USH2A: variants seen among roughly 807,000 people sequenced by gnomAD.
USH2A encodes usherin, also known as Usher syndrome 2A (autosomal recessive, mild).
In USH2A, 443 loss-of-function variants were observed where a neutral mutation model predicts 538.9. The observed-to-expected ratio is 0.82, with a 90% CI of 0.76 to 0.89. The LOEUF (loss-of-function observed/expected upper bound fraction) is 0.89, where lower values mean the gene tolerates loss of function less well. Ranked by LOEUF, USH2A falls within the 40% of genes least tolerant of loss-of-function variation. The pLI is 0.00. For synonymous variants in USH2A, 2,413 were observed against 2,273.5 expected, an observed-to-expected ratio of 1.06 and a Z score of -1.75; for missense variants, 6,633 against 6,324.8, an observed-to-expected ratio of 1.05 and a Z score of -1.65.
At chr1:215,899,539 T>C (rs1376628760) in intron 40 of USH2A, among the ~76,000 whole-genome samples, 22 of 152,230 alleles carry the variant, frequency 1.4e-4, no homozygotes, top group Admixed American at 1.3e-3. Context: ...GAAAATTCTC[T>C]TTATTGGTTG....
At position 215,655,457 on chromosome 1, in the gene USH2A, A is replaced by G. The variant is rs1056449692; in HGVS notation, c.14134-4656T>C. On this transcript the variant is annotated intron_variant, in intron 64 of 71. Coordinates refer to ENST00000307340, the MANE Select transcript of USH2A (RefSeq NM_206933.4). ...TAAGGAGTAATTTCTTGAAACCTTG[A>G]TATTTCTAGAAATTGCTGAGTCTAT... 5.3e-5 allele frequency among the ~76,000 whole-genome samples: 8 copies of G among 152,276 alleles called. No homozygotes were observed. In the East Asian group the frequency reaches 1.5e-3, roughly 29 times the overall value.
At chr1:216,412,170 T>C (rs115654426) in intron 3 of USH2A, among the ~76,000 whole-genome samples, 1,770 of 152,282 alleles carry the variant, frequency 0.012, 16 homozygotes, top group Non-Finnish European at 0.02. Context: ...CAATTTGTAA[T>C]GGGTATCCTA....
At chr1:216,247,346 A>C in intron 12 of USH2A, 120 bp from the exon 13 acceptor site, 1 of 1,270,404 alleles carries the variant, frequency 7.9e-7, no homozygotes, top group South Asian at 1.3e-5. Flanking sequence ...TTTTCTCACA[A>C]GCAATGCCAT....
intron 12 of USH2A, among the ~76,000 whole-genome samples, chr1:216,250,485 CA>C (rs2036137099): frequency 6.6e-6 from 1 of 152,028 alleles, no homozygotes; most frequent in African/African-American, 2.4e-5. Context: ...CCCTGTAGCA[CA>C]GAATATTTTG....
At chr1:216,368,564 A>C (rs563118346) in intron 3 of USH2A, among the ~76,000 whole-genome samples, 36 of 152,340 alleles carry the variant, frequency 2.4e-4, no homozygotes, top group Admixed American at 7.8e-4. Flanking sequence ...TCAACTCGGT[A>C]CCCACAGTGG....
chr1:215,969,696 C>T (rs902136328), intron 36 of USH2A, among the ~76,000 whole-genome samples: 2 of 151,986 alleles, frequency 1.3e-5, no homozygotes, highest in Non-Finnish European at 2.9e-5. Context: ...GTGTTAGCTG[C>T]TTGGAAAGCA....
intron 4 of USH2A, among the ~76,000 whole-genome samples, chr1:216,354,279 G>T (rs2038340099): frequency 6.6e-6 from 1 of 152,058 alleles, no homozygotes; most frequent in South Asian, 2.1e-4. Flanking sequence ...CAAAAAATAT[G>T]ATTTACTTCC....
At chr1:216,239,143 CA>C (rs556149839) in intron 13 of USH2A, among the ~76,000 whole-genome samples, 2 of 149,326 alleles carry the variant, frequency 1.3e-5, no homozygotes, top group South Asian at 4.2e-4. Flanking sequence ...TGAAGCAAAA[CA>C]AAAAAAATAA....
intron 61 of USH2A, among the ~76,000 whole-genome samples, chr1:215,727,233 A>C (rs200123640): frequency 6.6e-6 from 1 of 152,166 alleles, no homozygotes; most frequent in African/African-American, 2.4e-5. Context: ...ATATACAAAT[A>C]CATATATACA....
chr1:216,142,223 T>A (rs531941981), intron 21 of USH2A, among the ~76,000 whole-genome samples: 4 of 152,300 alleles, frequency 2.6e-5, no homozygotes, highest in African/African-American at 9.6e-5. Context: ...CACCTCTAGG[T>A]AATGGTAGAA....
chr1:216,207,462 C>G, intron 15 of USH2A, 31 bp from the exon 16 acceptor site: 1 of 1,613,490 alleles, frequency 6.2e-7, no homozygotes, highest in Non-Finnish European at 8.5e-7. Context: ...CATTTATTAG[C>G]AAAGCAATCA....
At chr1:215,869,545 A>C (rs1474971392) in intron 43 of USH2A, among the ~76,000 whole-genome samples, 1 of 152,184 alleles carries the variant, frequency 6.6e-6, no homozygotes, top group African/African-American at 2.4e-5. Flanking sequence ...AATGAAATGA[A>C]GCTAATGGCT....
intron 35 of USH2A, among the ~76,000 whole-genome samples, chr1:215,986,235 C>G (rs1386307093): frequency 6.6e-6 from 1 of 151,908 alleles, no homozygotes; most frequent in Non-Finnish European, 1.5e-5. Context: ...TTCTCATGCC[C>G]CAGCCTCCCA....
intron 21 of USH2A, among the ~76,000 whole-genome samples, chr1:216,145,088 C>G (rs1045072244): frequency 6.6e-6 from 1 of 152,198 alleles, no homozygotes; most frequent in Non-Finnish European, 1.5e-5. Context: ...TCAGCATTCC[C>G]TCCTTCCCTT....
intron 44 of USH2A, among the ~76,000 whole-genome samples, chr1:215,849,984 G>T (rs1041829243): frequency 3.8e-5 from 3 of 77,938 alleles, no homozygotes; most frequent in Non-Finnish European, 7.1e-5. Context: ...CTAATTAATT[G>T]ATCTTTTTAA....
In USH2A at chr1:216,372,637, T is replaced by C. The variant is rs146429443; in HGVS notation, c.652-7552A>G. On this transcript the variant is annotated intron_variant, in intron 3 of 71. Coordinates refer to ENST00000307340, the MANE Select transcript of USH2A (RefSeq NM_206933.4). ...GGCCTCTTCTTCCTACACATTTAGA[T>C]TACTCTCTTCTCTCTACTGCCAAAA... is the stretch of plus-strand genomic sequence containing the variant. 7.3e-3 allele frequency among the ~76,000 whole-genome samples: 1,119 copies of C among 152,256 alleles called. 15 individuals are homozygous for C. Among genetic ancestry groups the C allele is most frequent in the African/African-American group, 0.025 (1,026 of 41,552 alleles).
At chr1:216,009,883 C>T (rs1363889021) in intron 32 of USH2A, among the ~76,000 whole-genome samples, 1 of 152,104 alleles carries the variant, frequency 6.6e-6, no homozygotes, top group Non-Finnish European at 1.5e-5. Context: ...GTTAATGCTC[C>T]TTTTTCTTTA....
rs372081834 is a variant in USH2A, at chr1:216,199,906, G to T, written c.3532C>A (p.Pro1178Thr). 20 of 1,613,988 alleles carry T rather than the reference G, an allele frequency of 1.2e-5. No homozygotes were observed. The highest frequency in any genetic ancestry group is 1.2e-4 in the African/African-American group (9 of 74,912). Reference sequence around the variant, plus strand: ...CAGGACAAAATATATTTCTCTATGGGACCAGATTGATTTGAGAGTGTTGTC... The same window carrying T: ...CAGGACAAAATATATTTCTCTATGGTACCAGATTGATTTGAGAGTGTTGTC... ...TWTTLSNQSG[P>T]IEKYILSCAP... is the part of the protein sequence containing the mutation. Residue 1178 changes from proline (P) to threonine (T), a missense_variant, in exon 17 of 72, where the codon CCC becomes ACC. By Grantham distance (38) the Pro-to-Thr change is conservative. Coordinates refer to ENST00000307340, the MANE Select transcript of USH2A (RefSeq NM_206933.4).
chr1:216,167,067 T>A (rs1203383449), intron 21 of USH2A, among the ~76,000 whole-genome samples: 1 of 152,082 alleles, frequency 6.6e-6, no homozygotes, highest in African/African-American at 2.4e-5. Context: ...GCCTCCCTTT[T>A]CAAAGCTCCA....
Sources: gnomAD v4.1 joint callset for allele counts (sites outside exome capture counted in the v4.1 genomes callset) on GRCh38, gnomAD v4.1.1 for gene constraint, MANE v1.5 for transcripts, NCBI Gene and HGNC (gene_info 2026-07-23, HGNC 2026-07-21) for gene names.